NDUFAF6: variants seen among roughly 807,000 people sequenced by gnomAD.
NDUFAF6 encodes the protein NADH dehydrogenase (ubiquinone) complex I, assembly factor 6.
Under a neutral mutation model 40.8 loss-of-function variants are expected in NDUFAF6, and 45 were observed. The observed-to-expected ratio is 1.10, with a 90% CI of 0.87 to 1.42. The LOEUF is 1.42. Among genes scored for constraint, NDUFAF6 ranks in the 40% most tolerant of loss-of-function variants. NDUFAF6 has a pLI of 0.00. For synonymous variants in NDUFAF6, 185 were observed against 155.9 expected, an observed-to-expected ratio of 1.19 and a Z score of -1.39; for missense variants, 435 against 418.5, an observed-to-expected ratio of 1.04 and a Z score of -0.34.
intron 1 of NDUFAF6, among the ~76,000 whole-genome samples, chr8:94,924,093 C>T (rs1819691231): frequency 6.6e-6 from 1 of 152,152 alleles, no homozygotes; most frequent in Admixed American, 6.5e-5. Context: ...CGTAGTCTCG[C>T]TCTGTCGCCC....
At chr8:94,926,592 G>A (rs1351791985) in intron 1 of NDUFAF6, 1 of 152,042 alleles carries the variant, frequency 6.6e-6, no homozygotes, top group Non-Finnish European at 1.5e-5. Context: ...GCAAAACAGA[G>A]CAAAACTGGA....
At chr8:95,106,673 A>T (rs1213334266), downstream of NDUFAF6, among the ~76,000 whole-genome samples, 1 of 152,232 alleles carries the variant, frequency 6.6e-6, no homozygotes, top group Admixed American at 6.5e-5. Context: ...AGCAAAAGAA[A>T]CTACCATCAG....
At chr8:94,907,432 CAGAT>C (rs1415756179) in intron 1 of NDUFAF6, among the ~76,000 whole-genome samples, 1 of 152,112 alleles carries the variant, frequency 6.6e-6, no homozygotes, top group Non-Finnish European at 1.5e-5. Flanking sequence ...GTGTGAGACA[CAGAT>C]AGATTCAAAG....
intron 1 of NDUFAF6, among the ~76,000 whole-genome samples, chr8:94,936,319 G>GT (rs1432576822): frequency 1.3e-5 from 2 of 152,204 alleles, no homozygotes; most frequent in East Asian, 3.9e-4. Flanking sequence ...TGTAGGGAAT[G>GT]TAAGAAGGAC....
chr8:94,970,606 CAG>C (rs745338352), intron 1 of NDUFAF6, among the ~76,000 whole-genome samples: 1 of 152,064 alleles, frequency 6.6e-6, no homozygotes, highest in East Asian at 1.9e-4. Context: ...TTAAAAATAA[CAG>C]AAAATAATCA....
intron 1 of NDUFAF6, among the ~76,000 whole-genome samples, chr8:94,967,780 A>G (rs557144881): frequency 6.6e-6 from 1 of 152,114 alleles, no homozygotes; most frequent in Admixed American, 6.5e-5. Flanking sequence ...TCTCTACTAA[A>G]AATATAAAAA....
intron 1 of NDUFAF6, among the ~76,000 whole-genome samples, chr8:94,963,650 C>T (rs1322154000): frequency 3.9e-5 from 6 of 152,172 alleles, no homozygotes; most frequent in African/African-American, 1.4e-4. Context: ...TAGAGGATTC[C>T]AAAACCCAAG....
At chr8:94,943,454 T>C (rs1055930638) in intron 1 of NDUFAF6, among the ~76,000 whole-genome samples, 6 of 152,154 alleles carry the variant, frequency 3.9e-5, no homozygotes, top group Admixed American at 3.9e-4. Context: ...GCCACTGTAC[T>C]CCAGTGTGAG....
In NDUFAF6 at chr8:95,058,213, G is replaced by A; in HGVS notation, c.*276G>A. ...TCCAACAGGGAATATTGGTGTAGCT[G>A]TGCATAGGCCATAAGCCACACTTGA... On this transcript the variant is annotated 3_prime_UTR_variant, in exon 9 of 9. Coordinates refer to ENST00000396124, the MANE Select transcript of NDUFAF6 (RefSeq NM_152416.4). 7.2e-7 allele frequency: 1 copy of A among 1,396,766 alleles called. No individual in the cohort carries two copies. The highest frequency in any genetic ancestry group is 1.8e-5 in the South Asian group (1 of 56,560). The allele number at this position is 1,396,766 out of a possible 1,614,324, so 86.5% of individuals were successfully genotyped here. A position where few individuals can be genotyped will look rare whatever the true frequency, so the allele number is the denominator to read the frequency against.
chr8:94,910,770 A>C (rs1406471469), intron 1 of NDUFAF6, among the ~76,000 whole-genome samples: 1 of 152,266 alleles, frequency 6.6e-6, no homozygotes, highest in East Asian at 1.9e-4. Flanking sequence ...CCAATTTTTA[A>C]GAATATATGT....
At chr8:95,004,092 C>T (rs549580494) in intron 2 of NDUFAF6, among the ~76,000 whole-genome samples, 2 of 152,248 alleles carry the variant, frequency 1.3e-5, no homozygotes, top group African/African-American at 2.4e-5. Flanking sequence ...GACTTCTCCA[C>T]CTGGGGAGGC....
intron 1 of NDUFAF6, among the ~76,000 whole-genome samples, chr8:94,903,589 A>C (rs1290515963): frequency 6.6e-6 from 1 of 152,210 alleles, no homozygotes; most frequent in African/African-American, 2.4e-5. Flanking sequence ...TGCTTCACCA[A>C]AGTAGCCATC....
At chr8:94,914,733 A>C (rs953231838) in intron 1 of NDUFAF6, among the ~76,000 whole-genome samples, 40 of 152,082 alleles carry the variant, frequency 2.6e-4, no homozygotes, top group African/African-American at 9.7e-4. Flanking sequence ...CCTGGACAAC[A>C]TGGTGAAACC....
intron 2 of NDUFAF6, among the ~76,000 whole-genome samples, chr8:95,018,994 G>T (rs980930213): frequency 6.6e-6 from 1 of 152,134 alleles, no homozygotes; most frequent in Non-Finnish European, 1.5e-5. Flanking sequence ...AGGATAACTT[G>T]GAGTCATCTC....
At chr8:94,937,660 A>G (rs1821124137) in intron 1 of NDUFAF6, among the ~76,000 whole-genome samples, 1 of 151,890 alleles carries the variant, frequency 6.6e-6, no homozygotes, top group Non-Finnish European at 1.5e-5. Context: ...CCTCTACTGG[A>G]TGCAATGGTC....
intron 1 of NDUFAF6, among the ~76,000 whole-genome samples, chr8:94,917,110 C>CAAAAAA (rs35834003): frequency 2.2e-5 from 2 of 89,576 alleles, no homozygotes; most frequent in Non-Finnish European, 4.4e-5. Context: ...GACTCCATCT[C>CAAAAAA]AAAAAAAAAA....
At chr8:95,039,136 C>G (rs1190939600) in intron 3 of NDUFAF6, among the ~76,000 whole-genome samples, 2 of 151,786 alleles carry the variant, frequency 1.3e-5, no homozygotes, top group Non-Finnish European at 2.9e-5. Context: ...GCCACCATGC[C>G]TGGCTAATTT....
At chr8:94,929,546 T>C (rs1586683364) in intron 1 of NDUFAF6, 2 of 152,312 alleles carry the variant, frequency 1.3e-5, no homozygotes, top group East Asian at 3.9e-4. Flanking sequence ...CAGAGGATTT[T>C]TCACTCTGTG....
In NDUFAF6 at chr8:95,025,168, G is replaced by T. The variant is rs1827942002; in HGVS notation, c.160G>T (p.Ala54Ser). ...CGTGGCTGCGGCCAGCGGACCGGGC[G>T]CCTGGGGCACTGACCACTACTGCCT... is the stretch of plus-strand genomic sequence containing the variant. ...RSVAAASGPG[A>S]WGTDHYCLEL... is the part of the protein sequence containing the mutation. The change falls in exon 1 of 9, where the codon GCC becomes TCC. Residue 54 changes from alanine to serine, a missense_variant. Coordinates refer to ENST00000396124, the MANE Select transcript of NDUFAF6 (RefSeq NM_152416.4). 7 of 1,481,232 alleles carry T rather than the reference G, an allele frequency of 4.7e-6. No homozygotes were observed. Among genetic ancestry groups the T allele is most frequent in the Admixed American group, 2.4e-5 (1 of 41,172 alleles). 91.8% of individuals were successfully genotyped at this position (1,481,232 alleles called of 1,614,324 possible).
Sources: gnomAD v4.1 joint callset for allele counts (sites outside exome capture counted in the v4.1 genomes callset) on GRCh38, gnomAD v4.1.1 for gene constraint, MANE v1.5 for transcripts, NCBI Gene and HGNC (gene_info 2026-07-23, HGNC 2026-07-21) for gene names.